The following VSIR variants were observed in gnomAD, a reference collection of about 807,000 sequenced individuals.
The protein encoded by VSIR is V-set immunoregulatory receptor.
In VSIR, 10 loss-of-function variants were observed where a neutral mutation model predicts 31.0. That is an observed-to-expected ratio of 0.32 (90% CI 0.20 to 0.55). The LOEUF (loss-of-function observed/expected upper bound fraction) is 0.55, where lower values mean the gene tolerates loss of function less well. Ranked by LOEUF, VSIR falls within the 20% of genes least tolerant of loss-of-function variation. VSIR has a pLI of 0.93. For synonymous variants in VSIR, 179 were observed against 180.1 expected, an observed-to-expected ratio of 0.99 and a Z score of 0.05; for missense variants, 356 against 416.2, an observed-to-expected ratio of 0.86 and a Z score of 1.26.
intron 1 of VSIR, among the ~76,000 whole-genome samples, chr10:71,764,948 G>A (rs1700057731): frequency 6.6e-6 from 1 of 152,238 alleles, no homozygotes. Context: ...TGGAAAAGGA[G>A]CCCCAGGAAG....
intron 1 of VSIR, among the ~76,000 whole-genome samples, chr10:71,767,250 G>A (rs978724423): frequency 6.6e-6 from 1 of 152,234 alleles, no homozygotes; most frequent in Non-Finnish European, 1.5e-5. Context: ...CACGGGATGG[G>A]TGTGTGTGGG....
chr10:71,759,864 C>CAT (rs1300561159), intron 3 of VSIR, among the ~76,000 whole-genome samples: 3 of 102,022 alleles, frequency 2.9e-5, no homozygotes, highest in African/African-American at 1.0e-4. Flanking sequence ...CACACACACA[C>CAT]ATATATATAC....
In VSIR at chr10:71,751,192, C is replaced by A. The variant is rs2132863425; in HGVS notation, c.*61G>T. 1 of 1,561,796 alleles carries A rather than the reference C, an allele frequency of 6.4e-7. No individual in the cohort carries two copies. Among genetic ancestry groups the A allele is most frequent in the Non-Finnish European group, 8.7e-7 (1 of 1,147,080 alleles). ...CCAAGGAGGCCACTCACAGAGCCAG[C>A]CCTGGCTCAAATGCACCTGCCCCAG... On this transcript the variant is annotated 3_prime_UTR_variant, in exon 7 of 7. Transcript: ENST00000394957. The surrounding 1 kb of genome is among the most constrained non-coding windows in gnomAD (Gnocchi z 4.9).
chr10:71,754,734 ACTTGCAATGAGGAGT>A (rs987559452), intron 4 of VSIR, among the ~76,000 whole-genome samples: 6 of 152,176 alleles, frequency 3.9e-5, no homozygotes, highest in African/African-American at 1.4e-4. Context: ...AAATTCTTGG[ACTTGCAATGAGGAGT>A]AAGTGAGAGC....
rs1342327033 is a variant in VSIR at position 71,755,471 on chromosome 10, A to C, written c.569-5T>G. 4 of 1,607,760 alleles carry C rather than the reference A, an allele frequency of 2.5e-6. No individual in the cohort carries two copies. The highest frequency in any genetic ancestry group is 1.1e-5 in the South Asian group (1 of 89,782). On this transcript the variant is annotated splice_polypyrimidine_tract_variant and splice_region_variant and intron_variant, in intron 3 of 6. Coordinates refer to ENST00000394957, the MANE Select transcript of VSIR (RefSeq NM_022153.2). The stretch of plus-strand genomic sequence containing the variant: ...CCAGGGCTGCAGCCGTGATGTCTGA[A>C]AGGGCAGAGAGGTAGCCAAGGTGAA...
intron 1 of VSIR, among the ~76,000 whole-genome samples, chr10:71,763,899 G>A (rs182673827): frequency 5.9e-5 from 9 of 152,290 alleles, no homozygotes; most frequent in South Asian, 4.2e-4. Flanking sequence ...CTTGTGATCC[G>A]ATCCTGGGGC....
At chr10:71,770,232 C>T (rs889986123) in intron 1 of VSIR, among the ~76,000 whole-genome samples, 12 of 152,216 alleles carry the variant, frequency 7.9e-5, no homozygotes, top group African/African-American at 2.4e-4. Context: ...CACGAGGAGC[C>T]GGGTGCTGTG....
chr10:71,762,212 G>A (rs1840411831), intron 1 of VSIR, among the ~76,000 whole-genome samples, 186 bp from the exon 2 acceptor site: 1 of 152,252 alleles, frequency 6.6e-6, no homozygotes, highest in South Asian at 2.1e-4. Context: ...CTGTTGTAGG[G>A]GGAGTCACAG....
At chr10:71,772,919 A>G (rs756751407) in intron 1 of VSIR, among the ~76,000 whole-genome samples, 52 of 152,202 alleles carry the variant, frequency 3.4e-4, no homozygotes, top group Admixed American at 8.5e-4. Context: ...TGAGCATACC[A>G]CGCCCTCTGT....
At chr10:71,752,325 A>G (rs1185951852) in intron 5 of VSIR, among the ~76,000 whole-genome samples, 1 of 152,222 alleles carries the variant, frequency 6.6e-6, no homozygotes, top group Non-Finnish European at 1.5e-5. Flanking sequence ...CAACTCTTAG[A>G]TTCTAGATGA....
intron 2 of VSIR, 144 bp from the exon 3 acceptor site, chr10:71,761,068 C>A: frequency 1.3e-6 from 1 of 765,372 alleles, no homozygotes. Context: ...AGCCTGCACA[C>A]GTGTGCACCC....
At chr10:71,752,660 G>A (rs979958041) in intron 5 of VSIR, among the ~76,000 whole-genome samples, 4 of 152,300 alleles carry the variant, frequency 2.6e-5, no homozygotes, top group South Asian at 4.1e-4. Context: ...GGCTGGGCCC[G>A]CTGGCCTCCT....
intron 3 of VSIR, among the ~76,000 whole-genome samples, chr10:71,760,038 CAT>C (rs796179515): frequency 3.0e-4 from 7 of 23,032 alleles, no homozygotes; most frequent in Admixed American, 1.0e-3. Flanking sequence ...CACACACACA[CAT>C]ATATACACAC....
chr10:71,770,007 CTG>C (rs1280097800), intron 1 of VSIR, among the ~76,000 whole-genome samples: 1 of 152,230 alleles, frequency 6.6e-6, no homozygotes, highest in Non-Finnish European at 1.5e-5. Flanking sequence ...GCATTTCAGA[CTG>C]TGAGGGCCTA....
intron 1 of VSIR, among the ~76,000 whole-genome samples, chr10:71,772,516 A>G (rs1840710052): frequency 6.6e-6 from 1 of 152,188 alleles, no homozygotes; most frequent in Non-Finnish European, 1.5e-5. Context: ...CCAGCCCGGG[A>G]GCCCCTGTGT....
In VSIR at chr10:71,751,658, A is replaced by C. The variant is rs540037467; in HGVS notation, c.898+10T>G. 8 of 1,521,362 alleles carry C rather than the reference A, an allele frequency of 5.3e-6. No homozygotes were observed. In the East Asian group the frequency reaches 1.6e-4, roughly 30 times the overall value. 94.2% of individuals were successfully genotyped at this position (1,521,362 alleles called of 1,614,324 possible). A position where few individuals can be genotyped will look rare whatever the true frequency, so the allele number is the denominator to read the frequency against. On this transcript the variant is annotated intron_variant, in intron 6 of 6. Transcript: ENST00000394957. This position sits in a 1 kb window ranked among gnomAD's most constrained non-coding sequence, Gnocchi z 4.9. Reference sequence around the variant, plus strand: ...AGGTCATCGTGCTGTGAAGGTCAGGAAACACTTACCCAGGGATGGGAAGAA... The same window carrying C: ...AGGTCATCGTGCTGTGAAGGTCAGGCAACACTTACCCAGGGATGGGAAGAA...
intron 3 of VSIR, among the ~76,000 whole-genome samples, chr10:71,760,069 A>G (rs1840298806): frequency 6.9e-6 from 1 of 145,374 alleles, no homozygotes; most frequent in African/African-American, 2.5e-5. Flanking sequence ...ATATACACAC[A>G]CACATATATA....
Position 71,750,922 on chromosome 10 carries a change from A to T in VSIR, c.*331T>A. ...CTGATGCTGCCACATCCCAAGGCTCATGTCTCAGAACGAGAGCTGCTGAAG... is the reference window on the plus strand; with the variant it reads ...CTGATGCTGCCACATCCCAAGGCTCTTGTCTCAGAACGAGAGCTGCTGAAG... On this transcript the variant is annotated 3_prime_UTR_variant, in exon 7 of 7. Coordinates refer to ENST00000394957, the MANE Select transcript of VSIR (RefSeq NM_022153.2). 1 of 264,872 alleles carries T rather than the reference A, an allele frequency of 3.8e-6. No homozygotes were observed. The highest frequency in any genetic ancestry group is 7.2e-6 in the Non-Finnish European group (1 of 139,592). The allele number at this position is 264,872 out of a possible 1,614,324, so 16.4% of individuals were successfully genotyped here.
intron 3 of VSIR, among the ~76,000 whole-genome samples, chr10:71,758,787 G>A (rs1382923097): frequency 1.3e-5 from 2 of 152,220 alleles, no homozygotes; most frequent in Non-Finnish European, 2.9e-5. Context: ...CAGCACTTTG[G>A]AGGTCAAGGT....
Sources: gnomAD v4.1 joint callset for allele counts (sites outside exome capture counted in the v4.1 genomes callset) on GRCh38, gnomAD v4.1.1 for gene constraint, Gnocchi (gnomAD v3.1) non-coding constraint, MANE v1.5 for transcripts, NCBI Gene and HGNC (gene_info 2026-07-23, HGNC 2026-07-21) for gene names.